Variants in HYCC1 observed in about 807,000 individuals in gnomAD.
The protein encoded by HYCC1 is hyccin PI4KA lipid kinase complex subunit 1.
the HYCC1 span, among the ~76,000 whole-genome samples, chr7:22,982,125 G>A: frequency 3.3e-5 from 5 of 152,068 alleles, no homozygotes; most frequent in African/African-American, 9.7e-5. Context: ...AACATAAAGC[G>A]TATGGCTATA....
the HYCC1 span, among the ~76,000 whole-genome samples, chr7:22,994,073 T>C: frequency 1.3e-5 from 2 of 152,144 alleles, no homozygotes; most frequent in African/African-American, 2.4e-5. Context: ...CTCAAATTCC[T>C]GGGCTCAAGG....
chr7:22,928,688 G>A, the HYCC1 span, among the ~76,000 whole-genome samples: 6 of 152,020 alleles, frequency 3.9e-5, no homozygotes, highest in Non-Finnish European at 7.4e-5. Flanking sequence ...AATAAAAGAG[G>A]ATACAAACAA....
At chr7:22,989,218 C>CCAT in the HYCC1 span, among the ~76,000 whole-genome samples, 2 of 104,156 alleles carry the variant, frequency 1.9e-5, no homozygotes, top group Non-Finnish European at 4.2e-5. Context: ...TTGACTATTT[C>CCAT]CATCAATCTG....
the HYCC1 span, among the ~76,000 whole-genome samples, chr7:22,981,998 T>C: frequency 4.6e-5 from 7 of 152,240 alleles, no homozygotes; most frequent in African/African-American, 1.7e-4. Flanking sequence ...TAGCCAATCA[T>C]AAATTTATCC....
At chr7:22,964,421 A>T in the HYCC1 span, 2 of 1,570,038 alleles carry the variant, frequency 1.3e-6, no homozygotes, top group Non-Finnish European at 1.8e-6. Context: ...TTACAAGGCA[A>T]AATAAATCCC....
At chr7:23,001,282 C>T in the HYCC1 span, among the ~76,000 whole-genome samples, 1 of 152,088 alleles carries the variant, frequency 6.6e-6, no homozygotes, top group Non-Finnish European at 1.5e-5. Flanking sequence ...AAAAAGAAAG[C>T]TAACACTTAA....
chr7:22,959,218 G>C, the HYCC1 span, among the ~76,000 whole-genome samples: 1 of 152,034 alleles, frequency 6.6e-6, no homozygotes. Flanking sequence ...ATGATCACTA[G>C]GTAAGCTGGA....
the HYCC1 span, among the ~76,000 whole-genome samples, chr7:23,010,512 G>A: frequency 6.6e-6 from 1 of 152,148 alleles, no homozygotes; most frequent in African/African-American, 2.4e-5. Flanking sequence ...GTGGTTTCCT[G>A]GGGATAAGAG....
chr7:22,989,426 C>T, the HYCC1 span, among the ~76,000 whole-genome samples: 21 of 152,268 alleles, frequency 1.4e-4, no homozygotes, highest in East Asian at 3.7e-3. Flanking sequence ...TAGCTCACTG[C>T]AACTTTGAAT....
chr7:22,984,114 G>C, the HYCC1 span: 1 of 905,796 alleles, frequency 1.1e-6, no homozygotes, highest in Non-Finnish European at 1.8e-6. Flanking sequence ...CATAGATGCA[G>C]AAAGTAAATT....
chr7:22,922,666 G>A, the HYCC1 span, among the ~76,000 whole-genome samples: 2 of 152,258 alleles, frequency 1.3e-5, no homozygotes, highest in Admixed American at 6.5e-5. Context: ...GTTGTCTACA[G>A]AATACACACT....
chr7:22,908,245 T>C, the HYCC1 span, among the ~76,000 whole-genome samples: 1 of 152,226 alleles, frequency 6.6e-6, no homozygotes. Flanking sequence ...TTGGAAGACG[T>C]TGGTGCTCTT....
the HYCC1 span, among the ~76,000 whole-genome samples, chr7:23,006,352 T>C: frequency 0.016 from 2,469 of 152,152 alleles, 75 homozygotes; most frequent in African/African-American, 0.056. Flanking sequence ...CTGCAAGCTC[T>C]GCCTCCCAGG....
At chr7:23,009,047 T>C in the HYCC1 span, among the ~76,000 whole-genome samples, 1 of 151,986 alleles carries the variant, frequency 6.6e-6, no homozygotes, top group Admixed American at 6.6e-5. Flanking sequence ...AAGATAAAAA[T>C]GACAAACTAG....
the HYCC1 span, among the ~76,000 whole-genome samples, chr7:23,000,864 GA>G: frequency 6.8e-6 from 1 of 147,918 alleles, no homozygotes; most frequent in Non-Finnish European, 1.5e-5. Flanking sequence ...GAGGACAGCA[GA>G]AAAAAAAGGC....
the HYCC1 span, among the ~76,000 whole-genome samples, chr7:22,955,812 C>CT: frequency 1.7e-4 from 25 of 151,380 alleles, no homozygotes; most frequent in Admixed American, 1.5e-3. Flanking sequence ...AGAAAAGGGG[C>CT]TTTTTAAAAT....
At chr7:22,962,640 C>A in the HYCC1 span, among the ~76,000 whole-genome samples, 8 of 151,384 alleles carry the variant, frequency 5.3e-5, no homozygotes, top group African/African-American at 1.5e-4. Flanking sequence ...GGGGTCATCA[C>A]TGAAGGGGCA....
At chr7:22,980,643 AT>A in the HYCC1 span, among the ~76,000 whole-genome samples, 1 of 152,140 alleles carries the variant, frequency 6.6e-6, no homozygotes, top group Non-Finnish European at 1.5e-5. Context: ...ATCTTGCAAA[AT>A]TTTTTGTATT....
chr7:22,993,315 C>T, the HYCC1 span, among the ~76,000 whole-genome samples: 7 of 152,100 alleles, frequency 4.6e-5, no homozygotes, highest in African/African-American at 1.7e-4. Flanking sequence ...CAAGAGAGTA[C>T]TTTCATAATC....
Sources: allele counts gnomAD v4.1 joint callset (sites outside exome capture counted in the v4.1 genomes callset), GRCh38; gene constraint gnomAD v4.1.1; transcripts MANE v1.5; gene names NCBI Gene and HGNC (gene_info 2026-07-23, HGNC 2026-07-21).